The following RAB31 variants were observed in gnomAD, a reference collection of about 807,000 sequenced individuals.
The protein encoded by RAB31 is RAB31, member RAS oncogene family.
Under a neutral mutation model 25.6 loss-of-function variants are expected in RAB31, and 21 were observed. That is an observed-to-expected ratio of 0.82 (90% confidence interval 0.58 to 1.18). RAB31 has a LOEUF of 1.18. Ranked by LOEUF, RAB31 falls within the 50% of genes most tolerant of loss-of-function variation. The pLI, the probability that RAB31 is intolerant of heterozygous loss-of-function variation, is 0.00. For missense variants in RAB31, 196 were observed against 250.1 expected (o/e 0.78, Z 1.46); for synonymous variants, 87 against 84.0 (o/e 1.04, Z -0.20).
Position 9,775,278 on chromosome 18 carries a change from G to C in RAB31, c.40G>C (p.Asp14His), listed in dbSNP as rs1021677053. ...CGGTTGTATCCTCATTCTTTCCTAG[G>C]ACACTGGGGTTGGGAAATCAAGCAT... ...IRELKVCLLG[D>H]TGVGKSSIVC... Residue 14 changes from aspartate to histidine, a missense_variant and splice_region_variant, in exon 2 of 7, where the codon GAC (aspartate) becomes CAC (histidine). Transcript: ENST00000578921. 6.2e-7 allele frequency: 1 copy of C among 1,613,686 alleles called. No homozygotes were observed. The highest frequency in any genetic ancestry group is 8.5e-7 in the Non-Finnish European group (1 of 1,179,798).
chr18:9,811,283 G>T (rs1339569517), intron 3 of RAB31, among the ~76,000 whole-genome samples: 1 of 152,204 alleles, frequency 6.6e-6, no homozygotes, highest in Non-Finnish European at 1.5e-5. Flanking sequence ...TTTCTCTTCA[G>T]GATGGAGACC....
intron 2 of RAB31, among the ~76,000 whole-genome samples, chr18:9,784,459 G>A (rs971040769): frequency 1.3e-5 from 2 of 151,998 alleles, no homozygotes; most frequent in Middle Eastern, 3.2e-3. Flanking sequence ...AATGTCCATC[G>A]TTAGGGTATT....
At chr18:9,714,024 A>G (rs2145452833) in intron 1 of RAB31, among the ~76,000 whole-genome samples, 1 of 152,356 alleles carries the variant, frequency 6.6e-6, no homozygotes, top group East Asian at 1.9e-4. Context: ...TTGGAGGGAC[A>G]CAAATATTAA....
intron 1 of RAB31, among the ~76,000 whole-genome samples, chr18:9,757,549 T>C (rs561390110): frequency 4.6e-5 from 7 of 152,208 alleles, no homozygotes; most frequent in Non-Finnish European, 1.0e-4. Context: ...CAGAACTCTA[T>C]GGAGAAGGGG....
chr18:9,822,463 A>G (rs2068628768), intron 5 of RAB31, among the ~76,000 whole-genome samples: 1 of 152,196 alleles, frequency 6.6e-6, no homozygotes, highest in Non-Finnish European at 1.5e-5. Context: ...TAAATTAGAC[A>G]CCCTTAAAAT....
At chr18:9,808,987 C>G (rs906284103) in intron 3 of RAB31, among the ~76,000 whole-genome samples, 1 of 142,496 alleles carries the variant, frequency 7.0e-6, no homozygotes, top group Non-Finnish European at 1.6e-5. Flanking sequence ...AGTAGGTGTT[C>G]TAAAGGATTA....
At chr18:9,826,771 G>A (rs780381799) in intron 5 of RAB31, among the ~76,000 whole-genome samples, 3 of 152,202 alleles carry the variant, frequency 2.0e-5, no homozygotes, top group Admixed American at 6.5e-5. Flanking sequence ...AGGGGTTAAG[G>A]GTACCTGGCT....
chr18:9,728,174 C>T (rs1187946590), intron 1 of RAB31, among the ~76,000 whole-genome samples: 3 of 152,162 alleles, frequency 2.0e-5, no homozygotes, highest in Non-Finnish European at 4.4e-5. Flanking sequence ...GAGTATTATT[C>T]CTTGGCCCCA....
chr18:9,763,806 A>G (rs906349134), intron 1 of RAB31, among the ~76,000 whole-genome samples: 11 of 152,184 alleles, frequency 7.2e-5, no homozygotes, highest in South Asian at 2.1e-4. Flanking sequence ...CTCATCATCA[A>G]TATTATTATT....
chr18:9,808,674 G>A (rs1241133702), intron 3 of RAB31, among the ~76,000 whole-genome samples: 1 of 152,170 alleles, frequency 6.6e-6, no homozygotes, highest in East Asian at 1.9e-4. Context: ...CCCTTATGGT[G>A]GCCTTGCACC....
chr18:9,725,953 T>A (rs538262741), intron 1 of RAB31: 1 of 152,342 alleles, frequency 6.6e-6, no homozygotes, highest in Non-Finnish European at 1.5e-5. Context: ...CAGTTTACAG[T>A]GAACTGTCCT....
intron 4 of RAB31, 38 bp from the exon 5 acceptor site, chr18:9,815,078 G>A (rs1285821482): frequency 1.5e-6 from 2 of 1,350,872 alleles, no homozygotes; most frequent in Non-Finnish European, 2.1e-6. Flanking sequence ...ATTATATTGA[G>A]GGGTCTTTCT....
intron 3 of RAB31, among the ~76,000 whole-genome samples, chr18:9,802,175 A>G (rs1055841596): frequency 4.3e-4 from 65 of 152,300 alleles, no homozygotes; most frequent in Non-Finnish European, 4.4e-5. Flanking sequence ...GCATTTCCAA[A>G]TGAATTTTAG....
At chr18:9,709,965 C>T (rs2068008103) in intron 1 of RAB31, among the ~76,000 whole-genome samples, 3 of 152,112 alleles carry the variant, frequency 2.0e-5, no homozygotes, top group South Asian at 2.1e-4. Flanking sequence ...CTTGATGTGC[C>T]GTGTTTGTCA....
chr18:9,751,032 T>G (rs1350150399), intron 1 of RAB31, among the ~76,000 whole-genome samples: 2 of 152,100 alleles, frequency 1.3e-5, no homozygotes, highest in East Asian at 1.9e-4. Flanking sequence ...TCTTTTTTCG[T>G]TTTTTAATTT....
Position 9,859,382 on chromosome 18 carries a change from G to T in RAB31, c.*57G>T. The stretch of plus-strand genomic sequence containing the variant: ...AGCCAGAGCCCACATCCTGTGCACT[G>T]CTGAAGGACCCTACGCTCGGTGGCC... On this transcript the variant is annotated 3_prime_UTR_variant, in exon 7 of 7. Coordinates refer to ENST00000578921, the MANE Select transcript of RAB31 (RefSeq NM_006868.4). The T allele has an allele frequency of 6.8e-7, 1 of 1,463,522 alleles. No individual in the cohort carries two copies. The highest frequency in any genetic ancestry group is 9.5e-7 in the Non-Finnish European group (1 of 1,048,730). The allele number at this position is 1,463,522 out of a possible 1,614,324, so 90.7% of individuals were successfully genotyped here.
At chr18:9,816,634 G>A (rs962932392) in intron 5 of RAB31, among the ~76,000 whole-genome samples, 7 of 152,124 alleles carry the variant, frequency 4.6e-5, no homozygotes, top group Non-Finnish European at 8.8e-5. Flanking sequence ...AGTGGTATTG[G>A]GTTATTGAAC....
At chr18:9,746,152 T>G (rs576907199) in intron 1 of RAB31, among the ~76,000 whole-genome samples, 1 of 152,338 alleles carries the variant, frequency 6.6e-6, no homozygotes, top group South Asian at 2.1e-4. Flanking sequence ...CCAAAATGAT[T>G]CCATTTATAA....
chr18:9,737,961 C>T (rs2068158881), intron 1 of RAB31, among the ~76,000 whole-genome samples: 1 of 152,204 alleles, frequency 6.6e-6, no homozygotes, highest in South Asian at 2.1e-4. Flanking sequence ...GGCTTACCAA[C>T]AACGTGGTCC....
Sources: gnomAD v4.1 joint callset for allele counts (sites outside exome capture counted in the v4.1 genomes callset) on GRCh38, gnomAD v4.1.1 for gene constraint, MANE v1.5 for transcripts, NCBI Gene and HGNC (gene_info 2026-07-23, HGNC 2026-07-21) for gene names.